The following TLN2 variants were observed in gnomAD, a reference collection of about 807,000 sequenced individuals.
TLN2 encodes the protein talin 2.
A neutral mutation model predicts 294.7 loss-of-function variants in TLN2; 118 were observed. That is an observed-to-expected ratio of 0.40 (90% confidence interval 0.34 to 0.47). TLN2 has a LOEUF of 0.47. Among genes scored for constraint, TLN2 ranks in the 20% least tolerant of loss-of-function variants. TLN2 has a pLI of 0.84. For synonymous variants in TLN2, 1,431 were observed against 1,304.5 expected, an observed-to-expected ratio of 1.10 and a Z score of -2.09; for missense variants, 3,083 against 3,282.2, an observed-to-expected ratio of 0.94 and a Z score of 1.48.
chr15:62,392,485 C>T (rs1477444700), intron 1 of TLN2, among the ~76,000 whole-genome samples: 1 of 152,190 alleles, frequency 6.6e-6, no homozygotes, highest in African/African-American at 2.4e-5. Flanking sequence ...TGCACGCTGA[C>T]CTCCCTTCTC....
At chr15:62,820,437 CCTGAGGT>C in intron 53 of TLN2, 42 bp from the exon 54 acceptor site, 1 of 1,603,508 alleles carries the variant, frequency 6.2e-7, no homozygotes, top group Non-Finnish European at 8.5e-7. Flanking sequence ...AAGCCAGTGC[CCTGAGGT>C]CTGCAGCTAT....
At chr15:62,436,097 T>A (rs1348647342) in intron 1 of TLN2, among the ~76,000 whole-genome samples, 1 of 152,252 alleles carries the variant, frequency 6.6e-6, no homozygotes, top group African/African-American at 2.4e-5. Flanking sequence ...TACTTCCCAT[T>A]GCTTTCTGCA....
rs987890623 is a variant in TLN2 at position 62,477,780 on chromosome 15, G to A, written c.-238+87095G>A. 5.3e-5 allele frequency among the ~76,000 whole-genome samples: 8 copies of A among 151,848 alleles called. No homozygotes were observed. In the East Asian group the frequency reaches 1.5e-3, roughly 29 times the overall value. Reference sequence around the variant, plus strand: ...GCTGGGGACTGGGGCAGAAACCTTCGAGCAGGTAGACTGAGGGCAGGTCAG... The same window carrying A: ...GCTGGGGACTGGGGCAGAAACCTTCAAGCAGGTAGACTGAGGGCAGGTCAG... On this transcript the variant is annotated intron_variant, in intron 1 of 58. Transcript: ENST00000636159.
chr15:62,510,644 A>T (rs1296687997), intron 1 of TLN2, among the ~76,000 whole-genome samples: 1 of 152,092 alleles, frequency 6.6e-6, no homozygotes, highest in Non-Finnish European at 1.5e-5. Flanking sequence ...ATGCATGGTG[A>T]TGTTTTGCCT....
At chr15:62,399,983 A>G (rs12917007) in intron 1 of TLN2, among the ~76,000 whole-genome samples, 4,109 of 152,234 alleles carry the variant, frequency 0.027, 68 homozygotes, top group African/African-American at 0.053. Context: ...GTGGAATGAT[A>G]TGGTTTGGCT....
intron 1 of TLN2, among the ~76,000 whole-genome samples, chr15:62,467,156 C>A (rs533525432): frequency 2.6e-5 from 4 of 152,306 alleles, no homozygotes; most frequent in Admixed American, 2.6e-4. Context: ...TGGCAAAGAG[C>A]CCCATACCAG....
chr15:62,783,691 T>C, intron 44 of TLN2, 80 bp from the exon 45 acceptor site: 2 of 1,482,332 alleles, frequency 1.3e-6, no homozygotes, highest in Non-Finnish European at 9.0e-7. Flanking sequence ...CTTCCAGTGA[T>C]ATTAACACAT....
intron 1 of TLN2, among the ~76,000 whole-genome samples, chr15:62,511,168 A>G (rs2039913885): frequency 6.6e-6 from 1 of 152,252 alleles, no homozygotes; most frequent in Non-Finnish European, 1.5e-5. Context: ...TGATCAGGGC[A>G]TGGCAAAACA....
chr15:62,568,621 C>T (rs1013442379), intron 1 of TLN2, among the ~76,000 whole-genome samples: 2 of 152,110 alleles, frequency 1.3e-5, no homozygotes, highest in African/African-American at 2.4e-5. Context: ...TCTCACTGAC[C>T]AGCTGGGAAT....
Position 62,840,849 on chromosome 15 carries a change from G to A in TLN2, c.*239G>A. The A allele has an allele frequency of 2.0e-6, 1 of 489,534 alleles. No homozygotes were observed. The highest frequency in any genetic ancestry group is 3.6e-6 in the Non-Finnish European group (1 of 280,638). The allele number at this position is 489,534 out of a possible 1,614,324, so 30.3% of individuals were successfully genotyped here. On this transcript the variant is annotated 3_prime_UTR_variant, in exon 59 of 59. Transcript: ENST00000636159. ...GCCGCCTCCCCTCATGCCTCACCGT[G>A]TCTCAGGAGAGAGGGGTGCACGTTT...
In TLN2 at chr15:62,748,513, G is replaced by GTCTGTCTA; in HGVS notation, c.4119+71_4119+78dup. 5.0e-6 allele frequency: 6 copies of GTCTGTCTA among 1,189,988 alleles called. No individual in the cohort carries two copies. In the Admixed American group the frequency reaches 8.6e-5, roughly 17 times the overall value. The allele number at this position is 1,189,988 out of a possible 1,614,324, so 73.7% of individuals were successfully genotyped here. A position where few individuals can be genotyped will look rare whatever the true frequency, so the allele number is the denominator to read the frequency against. Reference sequence around the variant, plus strand: ...TCTGTGTCTGTGTGTCTGTGTGTCTGTCTGTCTATGTCTGTGTCTGTTCTT... The same window carrying GTCTGTCTA: ...TCTGTGTCTGTGTGTCTGTGTGTCTGTCTGTCTATCTGTCTATGTCTGTGTCTGTTCTT... On this transcript the variant is annotated intron_variant, in intron 33 of 58. Coordinates refer to ENST00000636159, the MANE Select transcript of TLN2 (RefSeq NM_015059.3).
intron 1 of TLN2, among the ~76,000 whole-genome samples, chr15:62,411,299 C>T (rs377500042): frequency 7.2e-5 from 11 of 152,094 alleles, no homozygotes; most frequent in Admixed American, 1.3e-4. Flanking sequence ...ATGAGTAAAA[C>T]GTGTATATCA....
intron 1 of TLN2, among the ~76,000 whole-genome samples, chr15:62,552,537 A>T (rs1030563293): frequency 2.0e-5 from 3 of 152,102 alleles, no homozygotes; most frequent in African/African-American, 7.2e-5. Flanking sequence ...GGTCTATTTA[A>T]TGTCATGTTT....
chr15:62,528,199 A>G lies in TLN2; in HGVS notation c.-237-61488A>G, dbSNP rs561188345. Among the ~76,000 whole-genome samples, 307 of 152,322 alleles carry G rather than the reference A, an allele frequency of 2.0e-3. 3 individuals carry two copies. Among genetic ancestry groups the G allele is most frequent in the African/African-American group, 7.0e-3 (289 of 41,574 alleles). ...AGCCAAAATATAATTTAAATTGATA[A>G]TTTGTTAAATGGATATGTCAAAACA... On this transcript the variant is annotated intron_variant, in intron 1 of 58. Coordinates refer to ENST00000636159, the MANE Select transcript of TLN2 (RefSeq NM_015059.3).
At chr15:62,706,590 A>G (rs1226212321) in intron 19 of TLN2, among the ~76,000 whole-genome samples, 1 of 152,234 alleles carries the variant, frequency 6.6e-6, no homozygotes, top group South Asian at 2.1e-4. Context: ...AGATATGGCT[A>G]AATTTCTGAT....
chr15:62,465,104 GTTTTTTTTTTTT>G (rs57890839), intron 1 of TLN2, among the ~76,000 whole-genome samples: 6 of 85,514 alleles, frequency 7.0e-5, no homozygotes, highest in Admixed American at 4.7e-4. Context: ...TGGTGAGCGC[GTTTTTTTTTTTT>G]TTTTTTTTTT....
chr15:62,618,007 TG>T (rs1467889104), intron 2 of TLN2, among the ~76,000 whole-genome samples: 2 of 150,542 alleles, frequency 1.3e-5, no homozygotes, highest in Admixed American at 1.3e-4. Flanking sequence ...CTATGTTGCC[TG>T]GGTTGGTCTC....
At chr15:62,447,017 G>A (rs999754446) in intron 1 of TLN2, among the ~76,000 whole-genome samples, 5 of 152,182 alleles carry the variant, frequency 3.3e-5, no homozygotes, top group Admixed American at 6.5e-5. Flanking sequence ...GGTCAGTGGA[G>A]TTTAGAAAAT....
At chr15:62,615,962 T>C (rs887738616) in intron 2 of TLN2, among the ~76,000 whole-genome samples, 1 of 152,204 alleles carries the variant, frequency 6.6e-6, no homozygotes, top group Non-Finnish European at 1.5e-5. Flanking sequence ...TTTGTATCTG[T>C]TTCCTCGCCG....
Sources: allele counts gnomAD v4.1 joint callset (sites outside exome capture counted in the v4.1 genomes callset), GRCh38; gene constraint gnomAD v4.1.1; transcripts MANE v1.5; gene names NCBI Gene and HGNC (gene_info 2026-07-23, HGNC 2026-07-21).